GGACT: variants seen among roughly 807,000 people sequenced by gnomAD.
GGACT encodes the protein gamma-glutamylaminecyclotransferase.
For missense variants in GGACT, 241 were observed against 233.2 expected (o/e 1.03, Z -0.22); for synonymous variants, 118 against 115.3 (o/e 1.02, Z -0.15).
intron 2 of GGACT, among the ~76,000 whole-genome samples, chr13:100,562,332 T>C (rs899088417): frequency 3.9e-5 from 6 of 152,208 alleles, no homozygotes; most frequent in Non-Finnish European, 5.9e-5. Flanking sequence ...AAAAAAATTT[T>C]TCCTTGCACA....
intron 2 of GGACT, among the ~76,000 whole-genome samples, chr13:100,540,875 G>T (rs2088546557): frequency 6.6e-6 from 1 of 152,222 alleles, no homozygotes; most frequent in Non-Finnish European, 1.5e-5. Context: ...TCCTCTTTGG[G>T]TGCACCAGGC....
chr13:100,588,381 G>A (rs1346918876), intron 1 of GGACT, among the ~76,000 whole-genome samples: 1 of 152,252 alleles, frequency 6.6e-6, no homozygotes, highest in Non-Finnish European at 1.5e-5. Context: ...CGGTTCAGCT[G>A]AGGTCCTCTG....
intron 2 of GGACT, among the ~76,000 whole-genome samples, chr13:100,556,004 G>A (rs769808626): frequency 3.9e-5 from 6 of 152,196 alleles, no homozygotes; most frequent in Non-Finnish European, 7.3e-5. Context: ...AAAAGGTTAA[G>A]TCTCTGAAAA....
In GGACT at chr13:100,530,581, C is replaced by G. The variant is rs1046376277; in HGVS notation, c.*1549G>C. 1.3e-5 allele frequency: 4 copies of G among 296,622 alleles called. No homozygotes were observed. The highest frequency in any genetic ancestry group is 8.9e-5 in the African/African-American group (4 of 45,030). 18.4% of individuals were successfully genotyped at this position (296,622 alleles called of 1,614,324 possible). A position where few individuals can be genotyped will look rare whatever the true frequency, so the allele number is the denominator to read the frequency against. The stretch of plus-strand genomic sequence containing the variant: ...TCTGCCTTGCTTTATTAAATTAGCA[C>G]TTGCCATTTTTTCATCTGATTGCCT... On this transcript the variant is annotated 3_prime_UTR_variant, in exon 3 of 3. Transcript: ENST00000683975.
At position 100,532,500 on chromosome 13, in the gene GGACT, C is replaced by CT. The variant is rs2088424073; in HGVS notation, c.91_92insA (p.Arg31GlnfsTer50). ...GGGCTCCAGCGTGCGGCCGCGCGCC[C>CT]GAAAGGCTGCGGAGCCGTGGGCGCC... is the stretch of plus-strand genomic sequence containing the variant. On this transcript the variant is annotated frameshift_variant, in exon 3 of 3. Transcript: ENST00000683975. LOFTEE classifies it low-confidence loss of function (END_TRUNC). 6.5e-7 allele frequency: 1 copy of CT among 1,548,774 alleles called. No individual in the cohort carries two copies. Among genetic ancestry groups the CT allele is most frequent in the African/African-American group, 1.4e-5 (1 of 73,136 alleles).
At chr13:100,555,388 T>C (rs1375647009) in intron 2 of GGACT, among the ~76,000 whole-genome samples, 1 of 152,010 alleles carries the variant, frequency 6.6e-6, no homozygotes, top group Admixed American at 6.6e-5. Flanking sequence ...TAGGTGGGCA[T>C]GGTGGTGCAT....
intron 2 of GGACT, among the ~76,000 whole-genome samples, chr13:100,551,843 C>T (rs2153014262): frequency 6.6e-6 from 1 of 152,346 alleles, no homozygotes; most frequent in African/African-American, 2.4e-5. Flanking sequence ...CCCTTTGCCC[C>T]CATCTAAAGG....
At chr13:100,561,655 G>A (rs1341923076) in intron 2 of GGACT, among the ~76,000 whole-genome samples, 1 of 152,224 alleles carries the variant, frequency 6.6e-6, no homozygotes, top group Admixed American at 6.5e-5. Flanking sequence ...TTCAGAAGAT[G>A]TGTGCAGCAG....
intron 2 of GGACT, among the ~76,000 whole-genome samples, chr13:100,556,885 T>C (rs1186828547): frequency 6.6e-6 from 1 of 151,986 alleles, no homozygotes; most frequent in Non-Finnish European, 1.5e-5. Context: ...AAGTTTCTCT[T>C]TTTTTTGAGG....
At chr13:100,576,009 G>A (rs1270631106) in intron 2 of GGACT, among the ~76,000 whole-genome samples, 1 of 152,196 alleles carries the variant, frequency 6.6e-6, no homozygotes, top group Non-Finnish European at 1.5e-5. Flanking sequence ...AAAATGCATT[G>A]TGAATTCAGT....
intron 2 of GGACT, among the ~76,000 whole-genome samples, chr13:100,561,199 A>C (rs1172463874): frequency 6.6e-6 from 1 of 152,158 alleles, no homozygotes; most frequent in Non-Finnish European, 1.5e-5. Flanking sequence ...ATTATCTACA[A>C]GCTTTCCTTG....
Position 100,586,348 on chromosome 13 carries a change from T to C in GGACT, c.-183-2351A>G, listed in dbSNP as rs550388232. On this transcript the variant is annotated intron_variant, in intron 1 of 2. Transcript: ENST00000683975. ...GTCCATTTGATGGATATATGGAAATTCATTCTACTTTGCTGGGCTTTTATG... is the reference window on the plus strand; with the variant it reads ...GTCCATTTGATGGATATATGGAAATCCATTCTACTTTGCTGGGCTTTTATG... 1.1e-3 allele frequency among the ~76,000 whole-genome samples: 169 copies of C among 152,174 alleles called. 1 individual carries two copies. The highest frequency in any genetic ancestry group is 3.9e-3 in the African/African-American group (162 of 41,450).
At chr13:100,556,039 T>C (rs1454981810) in intron 2 of GGACT, among the ~76,000 whole-genome samples, 1 of 152,258 alleles carries the variant, frequency 6.6e-6, no homozygotes, top group East Asian at 1.9e-4. Context: ...TCCTTCTCTT[T>C]GTAGTGAATA....
At chr13:100,571,433 A>T (rs2153016258) in intron 2 of GGACT, among the ~76,000 whole-genome samples, 1 of 152,354 alleles carries the variant, frequency 6.6e-6, no homozygotes, top group African/African-American at 2.4e-5. Context: ...TATGCTGTGC[A>T]GCAGAAGAAA....
At position 100,534,638 on chromosome 13, in the gene GGACT, G is replaced by A. The variant is rs772617338; in HGVS notation, c.-10-2037C>T. On this transcript the variant is annotated intron_variant, in intron 2 of 2. Coordinates refer to ENST00000683975, the MANE Select transcript of GGACT (RefSeq NM_001195087.2). The surrounding 1 kb of genome is among the most constrained non-coding windows in gnomAD (Gnocchi z 4.9). ...TTGGATCCTGCTGTGCAGCTGCCTT[G>A]GGGACTCAGCATTTGGAAGGATTCA... Among the ~76,000 whole-genome samples, 14 of 152,116 alleles carry A rather than the reference G, an allele frequency of 9.2e-5. No individual in the cohort carries two copies. The highest frequency in any genetic ancestry group is 1.6e-4 in the Non-Finnish European group (11 of 67,958).
chr13:100,573,577 T>C (rs1875159520), intron 2 of GGACT, among the ~76,000 whole-genome samples: 1 of 152,084 alleles, frequency 6.6e-6, no homozygotes, highest in Non-Finnish European at 1.5e-5. Flanking sequence ...GGTCTCAAAC[T>C]CCTGGGCTCA....
rs1011414211 is a variant in GGACT, at chr13:100,532,492, C to T, written c.100G>A (p.Gly34Ser). The T allele has an allele frequency of 2.9e-5, 45 of 1,548,774 alleles. No homozygotes were observed. In the East Asian group the frequency reaches 4.2e-4, roughly 14 times the overall value. ...AACGGGTAGGGCTCCAGCGTGCGGC[C>T]GCGCGCCCGAAAGGCTGCGGAGCCG... is the stretch of plus-strand genomic sequence containing the variant. ...AHGSAAFRAR[G>S]RTLEPYPLVI... Residue 34 changes from glycine to serine, a missense_variant, in exon 3 of 3, where the codon GGC (glycine) becomes AGC (serine). By Grantham distance (56) the Gly-to-Ser change is moderately conservative. Coordinates refer to ENST00000683975, the MANE Select transcript of GGACT (RefSeq NM_001195087.2).
chr13:100,581,276 C>T (rs889447051), intron 2 of GGACT, among the ~76,000 whole-genome samples: 5 of 152,154 alleles, frequency 3.3e-5, no homozygotes, highest in African/African-American at 1.2e-4. Context: ...CAGGGTTCCC[C>T]AGAGAAACGG....
At chr13:100,578,498 A>C (rs1875319247) in intron 2 of GGACT, among the ~76,000 whole-genome samples, 2 of 152,266 alleles carry the variant, frequency 1.3e-5, no homozygotes, top group African/African-American at 2.4e-5. Flanking sequence ...ATCCCAGCTG[A>C]TCTTAAGCCC....
Sources: gnomAD v4.1 joint callset for allele counts (sites outside exome capture counted in the v4.1 genomes callset) on GRCh38, gnomAD v4.1.1 for gene constraint, Gnocchi (gnomAD v3.1) non-coding constraint, MANE v1.5 for transcripts, NCBI Gene and HGNC (gene_info 2026-07-23, HGNC 2026-07-21) for gene names.